LARP4B: variants seen among roughly 807,000 people sequenced by gnomAD.
The protein encoded by LARP4B is la-related protein 4B.
LARP4B carries 12 observed loss-of-function variants against 89.8 expected under a neutral mutation model. That is an observed-to-expected ratio of 0.13 (90% CI 0.09 to 0.22). LARP4B has a LOEUF of 0.22. LARP4B is among the 10% of genes least tolerant of loss of function. The probability of loss-of-function intolerance (pLI) is 1.00; values close to 1 mark genes in which losing one functional copy is unlikely to be tolerated. For missense variants in LARP4B, 757 were observed against 947.7 expected, an observed-to-expected ratio of 0.80 and a Z score of 2.64; for synonymous variants, 367 against 363.3, an observed-to-expected ratio of 1.01 and a Z score of -0.12.
At chr10:911,081 AG>A (rs1836652918) in intron 1 of LARP4B, among the ~76,000 whole-genome samples, 1 of 152,206 alleles carries the variant, frequency 6.6e-6, no homozygotes, top group African/African-American at 2.4e-5. Flanking sequence ...GTGTGCACTT[AG>A]GGGGCACTCT....
At chr10:845,190 C>A in intron 5 of LARP4B, 135 bp from the exon 6 acceptor site, 1 of 572,370 alleles carries the variant, frequency 1.7e-6, no homozygotes, top group South Asian at 2.6e-5. Flanking sequence ...AAGAAAAATG[C>A]TACTTTACCT....
At chr10:922,950 C>G (rs1343328822) in intron 1 of LARP4B, among the ~76,000 whole-genome samples, 1 of 152,038 alleles carries the variant, frequency 6.6e-6, no homozygotes, top group Non-Finnish European at 1.5e-5. Context: ...TGGCACACGC[C>G]TGCAGTCCCA....
chr10:846,579 T>C (rs1833787310), intron 5 of LARP4B, among the ~76,000 whole-genome samples: 1 of 151,856 alleles, frequency 6.6e-6, no homozygotes, highest in African/African-American at 2.4e-5. Flanking sequence ...CAGTAAGAAA[T>C]GAGGTCACAG....
chr10:914,256 T>C (rs1836755475), intron 1 of LARP4B, among the ~76,000 whole-genome samples: 1 of 152,118 alleles, frequency 6.6e-6, no homozygotes, highest in South Asian at 2.1e-4. Flanking sequence ...ATTAAAACTA[T>C]TAGGTATAAG....
intron 5 of LARP4B, among the ~76,000 whole-genome samples, chr10:853,591 C>G (rs1834160773): frequency 6.6e-6 from 1 of 152,114 alleles, no homozygotes; most frequent in South Asian, 2.1e-4. Context: ...GGCTGAGGCA[C>G]AAGAATCACT....
Position 931,548 on chromosome 10 carries a change from C to CGGCCGGGCCG in LARP4B, c.-170_-161dup, listed in dbSNP as rs890482826. 3 of 149,538 alleles carry CGGCCGGGCCG rather than the reference C, an allele frequency of 2.0e-5. No individual in the cohort carries two copies. Among genetic ancestry groups the CGGCCGGGCCG allele is most frequent in the Non-Finnish European group, 4.5e-5 (3 of 66,922 alleles). 9.3% of individuals were successfully genotyped at this position (149,538 alleles called of 1,614,324 possible). ...AGAGAGACGGCAGGGAGAGGCGGCG[C>CGGCCGGGCCG]GGCCGGGCCGGGCCGGGCCGGAGGT... is the stretch of plus-strand genomic sequence containing the variant. On this transcript the variant is annotated 5_prime_UTR_variant, in exon 1 of 18. Coordinates refer to ENST00000316157, the MANE Select transcript of LARP4B (RefSeq NM_015155.3).
chr10:842,480 G>A (rs1013316734), intron 7 of LARP4B, among the ~76,000 whole-genome samples: 1 of 152,102 alleles, frequency 6.6e-6, no homozygotes, highest in Non-Finnish European at 1.5e-5. Flanking sequence ...ACACGCGTAA[G>A]CCACCACACC....
chr10:834,154 A>G (rs1331492030), intron 8 of LARP4B, among the ~76,000 whole-genome samples: 2 of 152,222 alleles, frequency 1.3e-5, no homozygotes, highest in East Asian at 3.8e-4. Flanking sequence ...AAAAAGTACA[A>G]AAGGAATTTG....
intron 1 of LARP4B, among the ~76,000 whole-genome samples, chr10:893,070 C>T (rs1227112877): frequency 8.1e-6 from 1 of 124,048 alleles, no homozygotes; most frequent in Non-Finnish European, 1.8e-5. Context: ...AACACCATAC[C>T]CTTTTTTTTC....
At chr10:876,243 G>C (rs11253487) in intron 3 of LARP4B, among the ~76,000 whole-genome samples, 36,993 of 151,978 alleles carry the variant, frequency 0.24, 5,141 homozygotes, top group South Asian at 0.41. Flanking sequence ...AATTAGCCGG[G>C]TGTGGTGGTG....
At chr10:868,820 G>A (rs552532801) in intron 3 of LARP4B, among the ~76,000 whole-genome samples, 1 of 152,320 alleles carries the variant, frequency 6.6e-6, no homozygotes, top group South Asian at 2.1e-4. Flanking sequence ...TATAGTAAGT[G>A]TTGACATTTG....
chr10:945,544 C>T, the LARP4B span, among the ~76,000 whole-genome samples: 16 of 151,558 alleles, frequency 1.1e-4, no homozygotes, highest in South Asian at 1.9e-3. Flanking sequence ...AAAAATTAGC[C>T]GGGCATGGTG....
chr10:851,091 G>A (rs763660801), intron 5 of LARP4B, among the ~76,000 whole-genome samples: 16 of 151,382 alleles, frequency 1.1e-4, no homozygotes, highest in African/African-American at 2.2e-4. Context: ...CAAAGAAATC[G>A]TAAGAGAGTA....
intron 7 of LARP4B, among the ~76,000 whole-genome samples, chr10:836,773 C>A (rs1833244198): frequency 6.6e-6 from 1 of 152,208 alleles, no homozygotes; most frequent in Admixed American, 6.5e-5. Flanking sequence ...GGGTTAACGG[C>A]TTTCTCCTTT....
intron 8 of LARP4B, among the ~76,000 whole-genome samples, chr10:831,793 G>C (rs557000146): frequency 9.2e-4 from 140 of 152,168 alleles, no homozygotes; most frequent in Non-Finnish European, 1.6e-3. Context: ...CAAAGCTCAA[G>C]AATATTTATT....
chr10:843,118 T>A, intron 6 of LARP4B, 50 bp from the exon 7 acceptor site: 1 of 1,530,056 alleles, frequency 6.5e-7, no homozygotes, highest in Non-Finnish European at 9.0e-7. Context: ...TAAAAGGAAG[T>A]TTCACCTACT....
In LARP4B at chr10:814,400, C is replaced by T. The variant is rs112424926; in HGVS notation, c.1929+342G>A. On this transcript the variant is annotated intron_variant, in intron 17 of 17. Coordinates refer to ENST00000316157, the MANE Select transcript of LARP4B (RefSeq NM_015155.3). This position sits in a 1 kb window ranked among gnomAD's most constrained non-coding sequence, Gnocchi z 4.4. Reference sequence around the variant, plus strand: ...CTCTTCATCAGACACACGATGCGCGCGCACGCACGCAAACATACACACACG... The same window carrying T: ...CTCTTCATCAGACACACGATGCGCGTGCACGCACGCAAACATACACACACG... 19 of 373,492 alleles carry T rather than the reference C, an allele frequency of 5.1e-5. No individual in the cohort carries two copies. Among genetic ancestry groups the T allele is most frequent in the Middle Eastern group, 9.8e-4 (1 of 1,018 alleles). The allele number at this position is 373,492 out of a possible 1,614,324, so 23.1% of individuals were successfully genotyped here.
intron 3 of LARP4B, among the ~76,000 whole-genome samples, chr10:865,367 T>A (rs911566459): frequency 6.6e-6 from 1 of 152,200 alleles, no homozygotes; most frequent in African/African-American, 2.4e-5. Context: ...CATGCTCAGT[T>A]AGTCCCACAG....
At chr10:896,571 C>G (rs377179497) in intron 1 of LARP4B, among the ~76,000 whole-genome samples, 9 of 152,238 alleles carry the variant, frequency 5.9e-5, no homozygotes, top group African/African-American at 9.6e-5. Flanking sequence ...AATACTACTA[C>G]CTTTCATAAA....
Sources: gnomAD v4.1 joint callset for allele counts (sites outside exome capture counted in the v4.1 genomes callset) on GRCh38, gnomAD v4.1.1 for gene constraint, Gnocchi (gnomAD v3.1) non-coding constraint, MANE v1.5 for transcripts, NCBI Gene and HGNC (gene_info 2026-07-23, HGNC 2026-07-21) for gene names.